Variants in PROSER2 observed in about 807,000 individuals in gnomAD.
The protein encoded by PROSER2 is proline and serine rich 2.
A neutral mutation model predicts 14.6 loss-of-function variants in PROSER2; 18 were observed. The observed-to-expected ratio is 1.23, with a 90% CI of 0.85 to 1.83. The LOEUF is 1.83. Among genes scored for constraint, PROSER2 ranks in the 40% most tolerant of loss-of-function variants. The pLI is 0.00. For synonymous variants in PROSER2, 367 were observed against 286.4 expected, an observed-to-expected ratio of 1.28 and a Z score of -2.84; for missense variants, 823 against 629.8, an observed-to-expected ratio of 1.31 and a Z score of -3.28.
At chr10:11,846,705 AGTCT>A (rs1317773349) in intron 1 of PROSER2, among the ~76,000 whole-genome samples, 6 of 152,154 alleles carry the variant, frequency 3.9e-5, no homozygotes, top group Admixed American at 2.0e-4. Flanking sequence ...CAGGCCATGG[AGTCT>A]GTCTAACTGC....
At chr10:11,826,936 G>A (rs180825234) in intron 1 of PROSER2, among the ~76,000 whole-genome samples, 1 of 147,672 alleles carries the variant, frequency 6.8e-6, no homozygotes, top group East Asian at 2.0e-4. Context: ...CCAGGCTGGA[G>A]TGCAGTGGCA....
chr10:11,864,809 G>A (rs563139206), intron 2 of PROSER2, among the ~76,000 whole-genome samples: 6 of 152,154 alleles, frequency 3.9e-5, no homozygotes, highest in South Asian at 2.1e-4. Context: ...GCCTGGGCTC[G>A]AACTCTGGAG....
At position 11,866,549 on chromosome 10, in the gene PROSER2, T is replaced by C. The variant is rs1834351875; in HGVS notation, c.157T>C (p.Tyr53His). 6.2e-7 allele frequency: 1 copy of C among 1,614,050 alleles called. No individual in the cohort carries two copies. The highest frequency in any genetic ancestry group is 1.3e-5 in the African/African-American group (1 of 74,936). The part of the protein sequence containing the change: ...SFTLDDESLK[Y>H]LTHEEKDVLL... ...ACTCTAGGATGATGAGAGCCTGAAG[T>C]ACCTCACCCATGAGGAAAAGGATGT... The change falls in exon 3 of 4, where the codon TAC (tyrosine) becomes CAC (histidine). Residue 53 changes from tyrosine (Y) to histidine (H), a missense_variant. Physicochemically the swap from Tyr to His is moderately conservative, Grantham distance 83. Coordinates refer to ENST00000277570, the MANE Select transcript of PROSER2 (RefSeq NM_153256.4). The surrounding 1 kb of genome is among the most constrained non-coding windows in gnomAD (Gnocchi z 6.0).
chr10:11,842,109 C>T (rs1290175339), intron 1 of PROSER2, among the ~76,000 whole-genome samples: 1 of 151,740 alleles, frequency 6.6e-6, no homozygotes, highest in Non-Finnish European at 1.5e-5. Flanking sequence ...GTGGTCCCAG[C>T]TACTTGAGAG....
At chr10:11,857,138 C>T (rs536948648) in intron 2 of PROSER2, 6 of 152,136 alleles carry the variant, frequency 3.9e-5, no homozygotes, top group Non-Finnish European at 7.4e-5. Flanking sequence ...CATATAGTGA[C>T]GAGGCAGCCA....
In PROSER2 at chr10:11,866,488, A is replaced by G. The variant is rs1433412855; in HGVS notation, c.139-43A>G. The stretch of plus-strand genomic sequence containing the variant: ...CAGCTTTTGTCTCTTTAGTGAAGCC[A>G]GTGTTTGTTTTCTCTCTTCTGTTCC... On this transcript the variant is annotated intron_variant, in intron 2 of 3. Transcript: ENST00000277570. The surrounding 1 kb of genome is among the most constrained non-coding windows in gnomAD (Gnocchi z 6.0). 3.1e-6 allele frequency: 5 copies of G among 1,604,046 alleles called. No homozygotes were observed. The highest frequency in any genetic ancestry group is 4.3e-6 in the Non-Finnish European group (5 of 1,173,988).
rs780499763 is a variant in PROSER2, at chr10:11,856,656, C to T, written c.138+4441C>T. On this transcript the variant is annotated intron_variant, in intron 2 of 3. Transcript: ENST00000277570. The surrounding 1 kb of genome is among the most constrained non-coding windows in gnomAD (Gnocchi z 5.3). ...ACTGTCTCGAATCCCCCTCTCCCTA[C>T]GCCCACAAGTGCTGTGGCCCTGAAG... 2.0e-5 allele frequency among the ~76,000 whole-genome samples: 3 copies of T among 152,204 alleles called. No homozygotes were observed. The highest frequency in any genetic ancestry group is 1.9e-4 in the East Asian group (1 of 5,194).
At chr10:11,868,217 C>A (rs1834393190) in intron 3 of PROSER2, among the ~76,000 whole-genome samples, 1 of 152,212 alleles carries the variant, frequency 6.6e-6, no homozygotes, top group Non-Finnish European at 1.5e-5. Context: ...CCAAGGAAAA[C>A]ACTCTTTGAA....
chr10:11,869,458 G>C lies in PROSER2; in HGVS notation c.392-32G>C. The C allele has an allele frequency of 6.5e-7, 1 of 1,527,734 alleles. No homozygotes were observed. Among genetic ancestry groups the C allele is most frequent in the Non-Finnish European group, 9.1e-7 (1 of 1,102,032 alleles). 94.6% of individuals were successfully genotyped at this position (1,527,734 alleles called of 1,614,324 possible). On this transcript the variant is annotated intron_variant, in intron 3 of 3. Coordinates refer to ENST00000277570, the MANE Select transcript of PROSER2 (RefSeq NM_153256.4). The surrounding 1 kb of genome is among the most constrained non-coding windows in gnomAD (Gnocchi z 4.4). ...TCATGCATTTACTTTCACGTGGGCC[G>C]GTGGCTCACAGGCTCCTCCCTTGTC...
intron 1 of PROSER2, among the ~76,000 whole-genome samples, chr10:11,844,726 A>G (rs1283846819): frequency 6.6e-6 from 1 of 152,142 alleles, no homozygotes; most frequent in Non-Finnish European, 1.5e-5. Flanking sequence ...GGTTCAAGCG[A>G]TTCTCCCACC....
chr10:11,833,800 T>C (rs571779378), intron 1 of PROSER2, among the ~76,000 whole-genome samples: 1 of 151,962 alleles, frequency 6.6e-6, no homozygotes, highest in South Asian at 2.1e-4. Flanking sequence ...GTGGGAAAAA[T>C]GGCACATAGA....
chr10:11,852,684 A>ATT (rs33939695), intron 2 of PROSER2, among the ~76,000 whole-genome samples: 153 of 98,006 alleles, frequency 1.6e-3, no homozygotes, highest in African/African-American at 5.9e-3. Context: ...ACACCCGGCT[A>ATT]TTTTTTTTTT....
At chr10:11,850,163 T>C (rs10906026) in intron 1 of PROSER2, 37,332 of 152,256 alleles carry the variant, frequency 0.25, 4,797 homozygotes, top group East Asian at 0.36. Context: ...TGGATACAAC[T>C]GACGTCGTAA....
Position 11,870,057 on chromosome 10 carries a change from G to A in PROSER2, c.959G>A (p.Arg320Gln), listed in dbSNP as rs1834444777. ...TCCCCGGAGCGGGTGGCGCGTGGCC[G>A]GGGCCTGCCGGGCCCCGCTGAGAGT... is the stretch of plus-strand genomic sequence containing the variant. The part of the protein sequence containing the change: ...GSSPERVARG[R>Q]GLPGPAESLR... The change falls in exon 4 of 4, where the codon CGG becomes CAG. Residue 320 changes from arginine to glutamine, a missense_variant. Coordinates refer to ENST00000277570, the MANE Select transcript of PROSER2 (RefSeq NM_153256.4). The A allele has an allele frequency of 1.3e-5, 16 of 1,241,888 alleles. No homozygotes were observed. Among genetic ancestry groups the A allele is most frequent in the East Asian group, 3.4e-5 (1 of 29,504 alleles). 76.9% of individuals were successfully genotyped at this position (1,241,888 alleles called of 1,614,324 possible). A position where few individuals can be genotyped will look rare whatever the true frequency, so the allele number is the denominator to read the frequency against.
At chr10:11,855,829 A>G (rs951579504) in intron 2 of PROSER2, among the ~76,000 whole-genome samples, 2 of 152,228 alleles carry the variant, frequency 1.3e-5, no homozygotes, top group African/African-American at 2.4e-5. Context: ...AGCCACTTAA[A>G]TAGGATTGTT....
intron 1 of PROSER2, chr10:11,850,498 G>A (rs571690260): frequency 1.9e-4 from 29 of 152,372 alleles, no homozygotes; most frequent in African/African-American, 6.7e-4. Flanking sequence ...CAGGGAAGGT[G>A]AAGGGAGCTG....
intron 1 of PROSER2, among the ~76,000 whole-genome samples, chr10:11,835,023 T>C (rs1833740922): frequency 6.6e-6 from 1 of 151,228 alleles, no homozygotes; most frequent in Non-Finnish European, 1.5e-5. Flanking sequence ...AGGAGAATTG[T>C]TCAAACCCGG....
chr10:11,825,066 A>T (rs922747891), intron 1 of PROSER2, among the ~76,000 whole-genome samples: 1 of 152,230 alleles, frequency 6.6e-6, no homozygotes, highest in African/African-American at 2.4e-5. Context: ...GCAAGCCTTC[A>T]TCGGCAGCTG....
At position 11,869,602 on chromosome 10, in the gene PROSER2, C is replaced by T. The variant is rs1024029821; in HGVS notation, c.504C>T (p.Pro168=). The T allele has an allele frequency of 6.2e-6, 10 of 1,605,168 alleles. No homozygotes were observed. Among genetic ancestry groups the T allele is most frequent in the African/African-American group, 2.7e-5 (2 of 74,672 alleles). ...LLAPPPLPST[P]DPPRRELRAP... The stretch of plus-strand genomic sequence containing the variant: ...CGCCACCACCCCTGCCTAGCACCCC[C>T]GATCCCCCCAGGAGGGAGCTGCGCG... The change falls in exon 4 of 4, where the codon CCC becomes CCT. Residue 168 remains proline (P), a synonymous_variant. Transcript: ENST00000277570. This position sits in a 1 kb window ranked among gnomAD's most constrained non-coding sequence, Gnocchi z 4.4.
Sources: gnomAD v4.1 joint callset for allele counts (sites outside exome capture counted in the v4.1 genomes callset) on GRCh38, gnomAD v4.1.1 for gene constraint, Gnocchi (gnomAD v3.1) non-coding constraint, MANE v1.5 for transcripts, NCBI Gene and HGNC (gene_info 2026-07-23, HGNC 2026-07-21) for gene names.